UVRAG: variants seen among roughly 807,000 people sequenced by gnomAD.
UVRAG encodes UV radiation resistance associated.
In UVRAG, 19 loss-of-function variants were observed where a neutral mutation model predicts 78.0. The observed-to-expected ratio is 0.24, with a 90% CI of 0.17 to 0.36. The LOEUF is 0.36. Among genes scored for constraint, UVRAG ranks in the 10% least tolerant of loss-of-function variants. The pLI is 1.00. For missense variants in UVRAG, 740 were observed against 853.8 expected (o/e 0.87, Z 1.66); for synonymous variants, 323 against 324.6 (o/e 1.00, Z 0.05).
chr11:75,877,729 CG>C (rs1255728404), intron 3 of UVRAG, among the ~76,000 whole-genome samples: 2 of 137,140 alleles, frequency 1.5e-5, no homozygotes, highest in Admixed American at 1.4e-4. Context: ...GCTGGCCGGG[CG>C]GGGGGCTGAC....
At chr11:76,072,472 T>G (rs1951331254) in intron 13 of UVRAG, among the ~76,000 whole-genome samples, 1 of 152,220 alleles carries the variant, frequency 6.6e-6, no homozygotes. Context: ...AGTGAGCCTT[T>G]GCTCTTGCCA....
chr11:76,091,140 A>G (rs947813314), intron 13 of UVRAG, among the ~76,000 whole-genome samples: 4 of 152,204 alleles, frequency 2.6e-5, no homozygotes, highest in Non-Finnish European at 5.9e-5. Context: ...CTGAAATGGA[A>G]TGTTAGGCTG....
chr11:76,139,173 T>C (rs558896577), intron 14 of UVRAG, among the ~76,000 whole-genome samples: 1 of 152,130 alleles, frequency 6.6e-6, no homozygotes, highest in Non-Finnish European at 1.5e-5. Flanking sequence ...GCCGTGTGGT[T>C]GCCCCTTCCC....
chr11:76,020,407 C>A (rs2135377835), intron 12 of UVRAG, among the ~76,000 whole-genome samples: 1 of 152,072 alleles, frequency 6.6e-6, no homozygotes, highest in East Asian at 1.9e-4. Flanking sequence ...AGCTATTACT[C>A]CTGGTTCTTC....
At chr11:75,932,295 T>TGA (rs1322532030) in intron 6 of UVRAG, among the ~76,000 whole-genome samples, 23 of 151,750 alleles carry the variant, frequency 1.5e-4, no homozygotes, top group African/African-American at 5.6e-4. Flanking sequence ...ATTTATTTAT[T>TGA]TATTTATTGA....
At chr11:75,940,155 A>T (rs1439797522) in intron 6 of UVRAG, among the ~76,000 whole-genome samples, 1 of 152,136 alleles carries the variant, frequency 6.6e-6, no homozygotes, top group Non-Finnish European at 1.5e-5. Flanking sequence ...GTGTAGAGAA[A>T]GAAGGGAACT....
At chr11:75,918,358 A>G (rs1947905525) in intron 6 of UVRAG, among the ~76,000 whole-genome samples, 1 of 151,672 alleles carries the variant, frequency 6.6e-6, no homozygotes, top group Admixed American at 6.6e-5. Flanking sequence ...AGTCTGAGCA[A>G]CAGAGCGAGA....
At chr11:76,110,713 T>C (rs918917293) in intron 13 of UVRAG, among the ~76,000 whole-genome samples, 3 of 152,042 alleles carry the variant, frequency 2.0e-5, no homozygotes, top group African/African-American at 4.8e-5. Flanking sequence ...ACATGAGATA[T>C]AGGATGCCTA....
At chr11:75,878,080 C>T (rs1164217108) in intron 3 of UVRAG, among the ~76,000 whole-genome samples, 2 of 145,400 alleles carry the variant, frequency 1.4e-5, no homozygotes, top group African/African-American at 2.6e-5. Context: ...GGCTGCCGGG[C>T]GGAGGGGCTC....
chr11:76,057,987 T>C (rs77448623), intron 12 of UVRAG, among the ~76,000 whole-genome samples: 1,700 of 152,276 alleles, frequency 0.011, 33 homozygotes, highest in African/African-American at 0.039. Context: ...GTTGTTGTTT[T>C]GTTAATTGCT....
At chr11:76,130,652 A>G (rs1952496930) in intron 14 of UVRAG, among the ~76,000 whole-genome samples, 1 of 152,290 alleles carries the variant, frequency 6.6e-6, no homozygotes, top group Non-Finnish European at 1.5e-5. Context: ...TAAAGTAACA[A>G]ACAACTAAAC....
chr11:75,830,597 A>G (rs533722236), intron 1 of UVRAG, among the ~76,000 whole-genome samples: 6 of 152,182 alleles, frequency 3.9e-5, no homozygotes, highest in African/African-American at 1.4e-4. Flanking sequence ...ATGGTGTCAT[A>G]AGAAGACTTG....
intron 8 of UVRAG, among the ~76,000 whole-genome samples, chr11:75,986,309 C>T (rs1949500426): frequency 6.6e-6 from 1 of 152,034 alleles, no homozygotes; most frequent in Non-Finnish European, 1.5e-5. Flanking sequence ...TTTTATGATA[C>T]TATTGTACAT....
chr11:75,957,864 A>T (rs796638683), intron 6 of UVRAG, among the ~76,000 whole-genome samples: 1 of 152,216 alleles, frequency 6.6e-6, no homozygotes, highest in Admixed American at 6.5e-5. Context: ...GATACTGAGG[A>T]TTTGGTTCCA....
chr11:75,895,192 C>T (rs1233151063), intron 5 of UVRAG, among the ~76,000 whole-genome samples: 2 of 152,098 alleles, frequency 1.3e-5, no homozygotes, highest in East Asian at 3.9e-4. Flanking sequence ...AGTTCTTTGG[C>T]ATTCTTCTTT....
chr11:75,853,587 C>T (rs1465528039), intron 2 of UVRAG, among the ~76,000 whole-genome samples: 2 of 151,548 alleles, frequency 1.3e-5, no homozygotes, highest in Non-Finnish European at 1.5e-5. Flanking sequence ...TCTCGAACTC[C>T]TGACCTCTGC....
intron 1 of UVRAG, among the ~76,000 whole-genome samples, chr11:75,851,329 CGAATG>C (rs1946149157): frequency 1.3e-5 from 2 of 152,126 alleles, no homozygotes; most frequent in Admixed American, 1.3e-4. Flanking sequence ...AAATGAGAAT[CGAATG>C]GAAGCTCACA....
chr11:76,010,668 A>G (rs1242048193), intron 11 of UVRAG, among the ~76,000 whole-genome samples: 1 of 152,196 alleles, frequency 6.6e-6, no homozygotes, highest in African/African-American at 2.4e-5. Flanking sequence ...CTATATCTGT[A>G]ATTTCTTGTG....
chr11:75,853,726 A>G (rs1305279029), intron 2 of UVRAG, among the ~76,000 whole-genome samples: 3 of 151,954 alleles, frequency 2.0e-5, no homozygotes, highest in African/African-American at 7.3e-5. Flanking sequence ...CTCACTTTTC[A>G]GTCTAACCAT....
Sources: allele counts gnomAD v4.1 joint callset (sites outside exome capture counted in the v4.1 genomes callset), GRCh38; gene constraint gnomAD v4.1.1; transcripts MANE v1.5; gene names NCBI Gene and HGNC (gene_info 2026-07-23, HGNC 2026-07-21).